Variants in FOXP1 observed in about 807,000 individuals in gnomAD.
FOXP1 encodes forkhead box protein P1.
Under a neutral mutation model 98.2 loss-of-function variants are expected in FOXP1, and 15 were observed. That is an observed-to-expected ratio of 0.15 (90% CI 0.10 to 0.24). The LOEUF is 0.24. FOXP1 is among the 10% of genes least tolerant of loss of function. FOXP1 has a pLI of 1.00. For missense variants in FOXP1, 633 were observed against 848.5 expected, an observed-to-expected ratio of 0.75 and a Z score of 3.15; for synonymous variants, 371 against 314.5, an observed-to-expected ratio of 1.18 and a Z score of -1.90.
intron 3 of FOXP1, among the ~76,000 whole-genome samples, chr3:71,391,795 A>G (rs1428092563): frequency 6.6e-6 from 1 of 152,202 alleles, no homozygotes; most frequent in Non-Finnish European, 1.5e-5. Context: ...CACTGCAGCA[A>G]TCTATATCTG....
intron 6 of FOXP1, among the ~76,000 whole-genome samples, chr3:71,162,495 T>A (rs2061188393): frequency 6.6e-6 from 1 of 152,246 alleles, no homozygotes; most frequent in African/African-American, 2.4e-5. Flanking sequence ...TGGTTAAGAC[T>A]TTTTGAATAA....
intron 3 of FOXP1, among the ~76,000 whole-genome samples, chr3:71,375,844 A>G (rs1186326857): frequency 2.0e-5 from 3 of 152,228 alleles, no homozygotes; most frequent in Admixed American, 2.0e-4. Context: ...GTCGCTTTAC[A>G]GCTTTCATTA....
intron 5 of FOXP1, among the ~76,000 whole-genome samples, chr3:71,271,066 G>A (rs1262978629): frequency 6.6e-6 from 1 of 152,096 alleles, no homozygotes; most frequent in Non-Finnish European, 1.5e-5. Flanking sequence ...CCCCGACTCT[G>A]CTAAAAATAC....
chr3:71,412,856 G>C (rs1489653526), intron 3 of FOXP1, among the ~76,000 whole-genome samples: 2 of 151,994 alleles, frequency 1.3e-5, no homozygotes, highest in African/African-American at 2.4e-5. Context: ...ACACATTTGG[G>C]GGTGAATATG....
At chr3:71,031,178 G>A (rs1342451140) in intron 11 of FOXP1, among the ~76,000 whole-genome samples, 1 of 152,140 alleles carries the variant, frequency 6.6e-6, no homozygotes, top group African/African-American at 2.4e-5. Context: ...CAGCCAAGAT[G>A]TAAAATACAC....
At position 71,430,924 on chromosome 3, in the gene FOXP1, C is replaced by T. The variant is rs575717214; in HGVS notation, c.-168+62502G>A. On this transcript the variant is annotated intron_variant, in intron 3 of 20. Transcript: ENST00000649528. ...AGAGCAACGCAGTAGCCACAACCACCGGGAAATATGGCACCTGTACCAATG... is the reference window on the plus strand; with the variant it reads ...AGAGCAACGCAGTAGCCACAACCACTGGGAAATATGGCACCTGTACCAATG... Among the ~76,000 whole-genome samples the T allele has an allele frequency of 1.9e-3, 290 of 152,240 alleles. 1 individual carries two copies. The highest frequency in any genetic ancestry group is 6.0e-3 in the African/African-American group (250 of 41,538).
At chr3:70,964,973 C>G (rs548671651) in intron 20 of FOXP1, among the ~76,000 whole-genome samples, 10 of 152,210 alleles carry the variant, frequency 6.6e-5, no homozygotes, top group Non-Finnish European at 1.3e-4. Flanking sequence ...AGATGTTGGT[C>G]AGTAATTCAG....
chr3:71,503,419 G>T (rs1486087921), intron 2 of FOXP1, among the ~76,000 whole-genome samples: 1 of 152,052 alleles, frequency 6.6e-6, no homozygotes, highest in African/African-American at 2.4e-5. Context: ...ATTTCAACAT[G>T]ATGAAACCCC....
At chr3:71,016,791 T>A (rs1265151807) in intron 11 of FOXP1, among the ~76,000 whole-genome samples, 1 of 152,080 alleles carries the variant, frequency 6.6e-6, no homozygotes, top group Non-Finnish European at 1.5e-5. Flanking sequence ...TGTACACAAA[T>A]GCCATTTGTC....
chr3:71,232,877 CAA>C lies in FOXP1; in HGVS notation c.-11-34487_-11-34486del, dbSNP rs59404230. 8.3e-4 allele frequency among the ~76,000 whole-genome samples: 26 copies of C among 31,414 alleles called. 2 individuals are homozygous for C. The highest frequency in any genetic ancestry group is 2.5e-3 in the South Asian group (1 of 398). The allele number at this position is 31,414 out of a possible 152,430, so 20.6% of individuals were successfully genotyped here. Reference sequence around the variant, plus strand: ...CGTGCCACAGAGCAAAACTCTGTCTCAAAAAAAAAAAAAAAAAAAGCAAGAAA... The same window carrying C: ...CGTGCCACAGAGCAAAACTCTGTCTCAAAAAAAAAAAAAAAAAGCAAGAAA... On this transcript the variant is annotated intron_variant, in intron 5 of 20. Coordinates refer to ENST00000649528, the MANE Select transcript of FOXP1 (RefSeq NM_001349338.3).
At chr3:71,456,174 T>A (rs1041332151) in intron 3 of FOXP1, among the ~76,000 whole-genome samples, 1 of 152,134 alleles carries the variant, frequency 6.6e-6, no homozygotes. Flanking sequence ...CAAAGATATA[T>A]GGGGCATACT....
chr3:71,550,841 A>G (rs1245530459), intron 2 of FOXP1, among the ~76,000 whole-genome samples: 1 of 152,226 alleles, frequency 6.6e-6, no homozygotes, highest in Non-Finnish European at 1.5e-5. Context: ...GGTAAAAAGC[A>G]GCAGGCTTGC....
intron 7 of FOXP1, among the ~76,000 whole-genome samples, chr3:71,088,665 A>C (rs775108773): frequency 6.6e-6 from 1 of 152,216 alleles, no homozygotes; most frequent in African/African-American, 2.4e-5. Flanking sequence ...CAATGATGTC[A>C]AAGACTTCTG....
chr3:70,984,892 A>G (rs572789655), intron 14 of FOXP1, among the ~76,000 whole-genome samples: 1 of 152,294 alleles, frequency 6.6e-6, no homozygotes, highest in East Asian at 1.9e-4. Context: ...CCACAATAAG[A>G]TCCAGAAAAT....
At chr3:71,238,684 A>G (rs2067001685) in intron 5 of FOXP1, among the ~76,000 whole-genome samples, 1 of 152,236 alleles carries the variant, frequency 6.6e-6, no homozygotes, top group African/African-American at 2.4e-5. Context: ...TCTAGACCAC[A>G]GCTGTAGCTC....
At chr3:70,996,180 C>G (rs187974152) in intron 13 of FOXP1, among the ~76,000 whole-genome samples, 3 of 152,274 alleles carry the variant, frequency 2.0e-5, no homozygotes, top group Admixed American at 2.0e-4. Flanking sequence ...ATGGGGTAAT[C>G]TCCATGTTGG....
intron 3 of FOXP1, among the ~76,000 whole-genome samples, chr3:71,442,511 G>A (rs1050786377): frequency 3.9e-5 from 6 of 152,076 alleles, no homozygotes; most frequent in Non-Finnish European, 8.8e-5. Flanking sequence ...TGCAAGTCTC[G>A]CGCAGTGAGT....
At chr3:71,515,433 CAAAAAAA>C (rs35322006) in intron 2 of FOXP1, among the ~76,000 whole-genome samples, 3 of 96,974 alleles carry the variant, frequency 3.1e-5, no homozygotes, top group African/African-American at 7.7e-5. Flanking sequence ...ATTTACACAG[CAAAAAAA>C]AAAAAAAAAA....
intron 3 of FOXP1, among the ~76,000 whole-genome samples, chr3:71,407,661 C>T (rs948078577): frequency 1.3e-5 from 2 of 149,922 alleles, no homozygotes; most frequent in South Asian, 2.1e-4. Context: ...AAGAACTGTG[C>T]GTGTGTGTGT....
Sources: allele counts gnomAD v4.1 joint callset (sites outside exome capture counted in the v4.1 genomes callset), GRCh38; gene constraint gnomAD v4.1.1; transcripts MANE v1.5; gene names NCBI Gene and HGNC (gene_info 2026-07-23, HGNC 2026-07-21).